Variants in NRDE2 observed in about 807,000 individuals in gnomAD.
NRDE2 encodes the protein NRDE-2, necessary for RNA interference, domain containing.
Under a neutral mutation model 124.2 loss-of-function variants are expected in NRDE2, and 76 were observed. That is an observed-to-expected ratio of 0.61 (90% CI 0.51 to 0.74). The LOEUF (loss-of-function observed/expected upper bound fraction) is 0.74, where lower values mean the gene tolerates loss of function less well. NRDE2 is among the 30% of genes least tolerant of loss of function. NRDE2 has a pLI of 0.00. For missense variants in NRDE2, 1,314 were observed against 1,417.3 expected (o/e 0.93, Z 1.17); for synonymous variants, 489 against 528.1 (o/e 0.93, Z 1.01).
In NRDE2 at chr14:90,270,244, G is replaced by A. The variant is rs781271442; in HGVS notation, c.*8092C>T. ...AGTTCCCCCTGCCTGATGAAAAGAC[G>A]AAGAAGCGCATCTTTCAGATTCACA... On this transcript the variant is annotated 3_prime_UTR_variant, in exon 14 of 14. Transcript: ENST00000354366. 62 of 1,613,550 alleles carry A rather than the reference G, an allele frequency of 3.8e-5. No homozygotes were observed. In the South Asian group the frequency reaches 4.2e-4, roughly 11 times the overall value.
chr14:90,305,805 G>A (rs147427436), intron 4 of NRDE2, among the ~76,000 whole-genome samples: 82 of 152,358 alleles, frequency 5.4e-4, no homozygotes, highest in African/African-American at 1.4e-3. Flanking sequence ...AAAAGAGCAC[G>A]AGGAAACTTC....
In NRDE2 at chr14:90,331,749, T is replaced by C. The variant is rs2097555004; in HGVS notation, c.64+92A>G. The stretch of plus-strand genomic sequence containing the variant: ...CGGAGAACTCTGGGATACAAATGGA[T>C]ACACAAATCCAAAGCAAAAGTCTAG... On this transcript the variant is annotated intron_variant, in intron 1 of 13. Coordinates refer to ENST00000354366, the MANE Select transcript of NRDE2 (RefSeq NM_017970.4). 5.9e-6 allele frequency: 8 copies of C among 1,366,492 alleles called. No individual in the cohort carries two copies. The Middle Eastern group carries it at 9.0e-4, about 154-fold the overall frequency. The allele number at this position is 1,366,492 out of a possible 1,614,324, so 84.6% of individuals were successfully genotyped here. A position where few individuals can be genotyped will look rare whatever the true frequency, so the allele number is the denominator to read the frequency against.
chr14:90,309,174 G>C (rs1346422047), intron 4 of NRDE2, among the ~76,000 whole-genome samples: 3 of 151,898 alleles, frequency 2.0e-5, no homozygotes, highest in African/African-American at 7.3e-5. Context: ...AGAGAAAAAA[G>C]AAAGAAAGAA....
rs147798093 is a variant in NRDE2 at position 90,316,913 on chromosome 14, T to C, written c.174-102A>G. ...AATATTTAAGATGGAACTATATAAA[T>C]GTTCACACAGATTTACTATTTGCCC... is the stretch of plus-strand genomic sequence containing the variant. On this transcript the variant is annotated intron_variant, in intron 2 of 13. Transcript: ENST00000354366. The C allele has an allele frequency of 3.8e-6, 3 of 791,202 alleles. No homozygotes were observed. In the East Asian group the frequency reaches 7.7e-5, roughly 20 times the overall value. The allele number at this position is 791,202 out of a possible 1,614,324, so 49.0% of individuals were successfully genotyped here. A position where few individuals can be genotyped will look rare whatever the true frequency, so the allele number is the denominator to read the frequency against.
intron 7 of NRDE2, among the ~76,000 whole-genome samples, chr14:90,299,311 G>A (rs1182638801): frequency 6.6e-6 from 1 of 152,108 alleles, no homozygotes; most frequent in Admixed American, 6.5e-5. Context: ...GCCTCCCAAA[G>A]TGCTGGGATT....
chr14:90,320,970 C>T (rs1388618732), intron 1 of NRDE2, among the ~76,000 whole-genome samples: 2 of 152,102 alleles, frequency 1.3e-5, no homozygotes, highest in Admixed American at 6.6e-5. Context: ...TTCATTTGGG[C>T]CTAATTCCTG....
intron 1 of NRDE2, among the ~76,000 whole-genome samples, chr14:90,329,705 G>A (rs909968923): frequency 1.3e-5 from 2 of 151,328 alleles, no homozygotes; most frequent in Non-Finnish European, 2.9e-5. Flanking sequence ...AGGTGTGGTG[G>A]TGCATGCCTG....
In NRDE2 at chr14:90,268,441, T is replaced by A; in HGVS notation, c.*9895A>T. 1 of 1,609,134 alleles carries A rather than the reference T, an allele frequency of 6.2e-7. No individual in the cohort carries two copies. Among genetic ancestry groups the A allele is most frequent in the Non-Finnish European group, 8.5e-7 (1 of 1,175,910 alleles). On this transcript the variant is annotated 3_prime_UTR_variant, in exon 14 of 14. Transcript: ENST00000354366. ...AGACTTTCTCATACTTATTTTGCCT[T>A]GTTTAGTAGGGAACACCGCATAGCT...
intron 8 of NRDE2, among the ~76,000 whole-genome samples, chr14:90,294,669 G>A (rs951756501): frequency 2.0e-5 from 3 of 152,100 alleles, no homozygotes; most frequent in Non-Finnish European, 2.9e-5. Context: ...TGACTGCTGG[G>A]GCCTGGGGGG....
chr14:90,290,235 A>C lies in NRDE2; in HGVS notation c.2215T>G (p.Tyr739Asp). The C allele has an allele frequency of 6.2e-7, 1 of 1,613,742 alleles. No homozygotes were observed. Among genetic ancestry groups the C allele is most frequent in the South Asian group, 1.1e-5 (1 of 91,064 alleles). Residue 739 changes from tyrosine (Y) to aspartate (D), a missense_variant, in exon 10 of 14, where the codon TAT becomes GAT. By Grantham distance (160) the Tyr-to-Asp change is radical. Coordinates refer to ENST00000354366, the MANE Select transcript of NRDE2 (RefSeq NM_017970.4). The part of the protein sequence containing the change: ...KSQLCFSWLQ[Y>D]EIAKVIWCLH... ...TCTGGAATTACCTTTGCAATCTCAT[A>C]CTGTAACCAGGAGAAGCAGAGCTGG...
chr14:90,279,398 G>C (rs1390645540), intron 12 of NRDE2: 9 of 389,272 alleles, frequency 2.3e-5, no homozygotes, highest in Non-Finnish European at 3.7e-5. Flanking sequence ...TAAAGTCTCA[G>C]ATCTCCTCCT....
At chr14:90,303,350 G>A (rs1884475393) in intron 5 of NRDE2, among the ~76,000 whole-genome samples, 1 of 152,182 alleles carries the variant, frequency 6.6e-6, no homozygotes, top group South Asian at 2.1e-4. Context: ...TTTAAGCTTT[G>A]ATTTCTGCAT....
At position 90,270,485 on chromosome 14, in the gene NRDE2, G is replaced by T; in HGVS notation, c.*7851C>A. On this transcript the variant is annotated 3_prime_UTR_variant, in exon 14 of 14. Transcript: ENST00000354366. ...TATTTTAATCATCATATTGGTTTAC[G>T]ATTACATCCAAATGGTATATGTGCT... is the stretch of plus-strand genomic sequence containing the variant. 2 of 996,464 alleles carry T rather than the reference G, an allele frequency of 2.0e-6. No individual in the cohort carries two copies. Among genetic ancestry groups the T allele is most frequent in the Non-Finnish European group, 2.8e-6 (2 of 707,048 alleles). The allele number at this position is 996,464 out of a possible 1,614,324, so 61.7% of individuals were successfully genotyped here. A position where few individuals can be genotyped will look rare whatever the true frequency, so the allele number is the denominator to read the frequency against.
At chr14:90,306,179 G>A (rs368015224) in intron 4 of NRDE2, among the ~76,000 whole-genome samples, 9 of 152,144 alleles carry the variant, frequency 5.9e-5, no homozygotes, top group South Asian at 2.1e-4. Context: ...CGGAAATGCC[G>A]TGGGGAGAAA....
At chr14:90,331,696 G>A (rs1354621818) in intron 1 of NRDE2, 145 bp downstream of exon 1, 5 of 887,678 alleles carry the variant, frequency 5.6e-6, no homozygotes, top group Non-Finnish European at 8.9e-6. Context: ...GAGGGATTGA[G>A]CCTTTCCCAG....
In NRDE2 at chr14:90,270,506, G is replaced by A; in HGVS notation, c.*7830C>T. The A allele has an allele frequency of 1.2e-6, 1 of 828,346 alleles. No homozygotes were observed. The allele number at this position is 828,346 out of a possible 1,614,324, so 51.3% of individuals were successfully genotyped here. On this transcript the variant is annotated 3_prime_UTR_variant, in exon 14 of 14. Transcript: ENST00000354366. ...TTACGATTACATCCAAATGGTATAT[G>A]TGCTTGATATTGAAGTCATTCTTAA...
At chr14:90,298,496 C>T in intron 7 of NRDE2, 116 bp from the exon 8 acceptor site, 1 of 1,097,288 alleles carries the variant, frequency 9.1e-7, no homozygotes, top group Admixed American at 2.0e-5. Context: ...ATCATGTTTG[C>T]CATCAGTCTT....
intron 3 of NRDE2, among the ~76,000 whole-genome samples, chr14:90,313,891 T>C (rs889110289): frequency 5.9e-5 from 9 of 152,202 alleles, no homozygotes; most frequent in Non-Finnish European, 2.9e-5. Context: ...TATGGAGATT[T>C]TAACACATTT....
rs749796977 is a variant in NRDE2 at position 90,290,310 on chromosome 14, G to A, written c.2140C>T (p.Arg714Cys). 1.2e-5 allele frequency: 20 copies of A among 1,613,968 alleles called. No individual in the cohort carries two copies. Among genetic ancestry groups the A allele is most frequent in the Middle Eastern group, 1.6e-4 (1 of 6,080 alleles). ...GQNREGEEFIRNVFHLVMPLF... is the reference protein window; with the variant it reads ...GQNREGEEFICNVFHLVMPLF... ...GGCATGACAAGGTGGAAGACATTGCGGATGAACTCCTCGCCCTCTCGGTTC... is the reference window on the plus strand; with the variant it reads ...GGCATGACAAGGTGGAAGACATTGCAGATGAACTCCTCGCCCTCTCGGTTC... The change falls in exon 10 of 14, where the codon CGC (arginine) becomes TGC (cysteine). Residue 714 changes from arginine (R) to cysteine (C), a missense_variant. Coordinates refer to ENST00000354366, the MANE Select transcript of NRDE2 (RefSeq NM_017970.4).
Sources: allele counts gnomAD v4.1 joint callset (sites outside exome capture counted in the v4.1 genomes callset), GRCh38; gene constraint gnomAD v4.1.1; transcripts MANE v1.5; gene names NCBI Gene and HGNC (gene_info 2026-07-23, HGNC 2026-07-21).